TMEM132D: variants seen among roughly 807,000 people sequenced by gnomAD.
The protein encoded by TMEM132D is mature OL transmembrane protein.
A neutral mutation model predicts 62.3 loss-of-function variants in TMEM132D; 21 were observed. The ratio of observed to expected loss-of-function variants is 0.34; its 90% CI spans 0.24 to 0.49. The LOEUF (loss-of-function observed/expected upper bound fraction) is 0.49. Ranked by LOEUF, TMEM132D falls within the 20% of genes least tolerant of loss-of-function variation. TMEM132D has a pLI of 0.99. For synonymous variants in TMEM132D, 621 were observed against 575.6 expected, an observed-to-expected ratio of 1.08 and a Z score of -1.13; for missense variants, 1,346 against 1,402.8, an observed-to-expected ratio of 0.96 and a Z score of 0.65.
At chr12:129,878,094 G>A (rs191275022) in intron 1 of TMEM132D, among the ~76,000 whole-genome samples, 21 of 152,140 alleles carry the variant, frequency 1.4e-4, no homozygotes, top group East Asian at 5.8e-4. Flanking sequence ...TTTTGAAAAC[G>A]GATTTATTTA....
chr12:129,078,024 TTC>T (rs1384395901), intron 8 of TMEM132D, among the ~76,000 whole-genome samples: 23 of 152,210 alleles, frequency 1.5e-4, no homozygotes, highest in Admixed American at 1.0e-3. Context: ...TCTCCATGAA[TTC>T]TCTGTTTCTG....
intron 2 of TMEM132D, among the ~76,000 whole-genome samples, chr12:129,610,906 A>G (rs1353650829): frequency 6.6e-6 from 1 of 152,212 alleles, no homozygotes; most frequent in Admixed American, 6.5e-5. Flanking sequence ...AAACATTCTG[A>G]TAACAGACAG....
intron 2 of TMEM132D, among the ~76,000 whole-genome samples, chr12:129,549,676 T>C (rs1046148587): frequency 6.6e-6 from 1 of 152,192 alleles, no homozygotes; most frequent in East Asian, 1.9e-4. Context: ...AATGGACAAA[T>C]ACACTTCCCT....
intron 3 of TMEM132D, among the ~76,000 whole-genome samples, chr12:129,339,499 G>C (rs1198865968): frequency 6.9e-6 from 1 of 144,334 alleles, no homozygotes; most frequent in African/African-American, 2.5e-5. Context: ...CTTGGCTTTT[G>C]AAAGAAAGTG....
chr12:129,245,932 A>C (rs1880091452), intron 4 of TMEM132D, among the ~76,000 whole-genome samples: 1 of 152,158 alleles, frequency 6.6e-6, no homozygotes, highest in South Asian at 2.1e-4. Context: ...AAAACTAGAA[A>C]ATCTGCCACT....
At chr12:129,474,828 T>C (rs1041248295) in intron 3 of TMEM132D, among the ~76,000 whole-genome samples, 3 of 152,156 alleles carry the variant, frequency 2.0e-5, no homozygotes, top group Non-Finnish European at 4.4e-5. Context: ...AGCGATGACA[T>C]TGACCTCCAG....
intron 5 of TMEM132D, among the ~76,000 whole-genome samples, chr12:129,189,589 C>T (rs145049667): frequency 4.6e-5 from 7 of 152,186 alleles, no homozygotes; most frequent in South Asian, 2.1e-4. Context: ...GAGGTCCATC[C>T]GGAGGAAGGC....
intron 5 of TMEM132D, among the ~76,000 whole-genome samples, chr12:129,135,886 T>C (rs927297704): frequency 6.6e-6 from 1 of 152,236 alleles, no homozygotes; most frequent in African/African-American, 2.4e-5. Flanking sequence ...CTACACAGCA[T>C]TCTCTTTTAT....
intron 3 of TMEM132D, among the ~76,000 whole-genome samples, chr12:129,508,935 G>T (rs1272361626): frequency 6.6e-6 from 1 of 151,536 alleles, no homozygotes; most frequent in Non-Finnish European, 1.5e-5. Flanking sequence ...AGAAGCCAGA[G>T]ATCTACATTT....
intron 2 of TMEM132D, among the ~76,000 whole-genome samples, chr12:129,672,483 C>G (rs770073784): frequency 6.6e-6 from 1 of 152,100 alleles, no homozygotes; most frequent in Non-Finnish European, 1.5e-5. Context: ...TGTGGTACAA[C>G]AGTTAGTGTT....
chr12:129,345,896 T>C (rs1869668594), intron 3 of TMEM132D, among the ~76,000 whole-genome samples: 1 of 152,176 alleles, frequency 6.6e-6, no homozygotes, highest in Non-Finnish European at 1.5e-5. Context: ...GCCTGAAATT[T>C]TCTTTTTTTT....
intron 4 of TMEM132D, among the ~76,000 whole-genome samples, chr12:129,313,782 C>T (rs1423414114): frequency 6.6e-6 from 1 of 152,108 alleles, no homozygotes; most frequent in Non-Finnish European, 1.5e-5. Context: ...TAAGGAATCT[C>T]CACACTGTGT....
At chr12:129,818,774 C>T (rs894157650) in intron 1 of TMEM132D, among the ~76,000 whole-genome samples, 1 of 151,962 alleles carries the variant, frequency 6.6e-6, no homozygotes, top group Admixed American at 6.6e-5. Context: ...GTAGCTCACA[C>T]CTGTAATCCC....
At position 129,075,011 on chromosome 12, in the gene TMEM132D, G is replaced by A. The variant is rs767985465; in HGVS notation, c.2164C>T (p.Pro722Ser). 7 of 1,613,158 alleles carry A rather than the reference G, an allele frequency of 4.3e-6. No individual in the cohort carries two copies. The highest frequency in any genetic ancestry group is 5.9e-6 in the Non-Finnish European group (7 of 1,179,994). The change falls in exon 9 of 9, where the codon CCC becomes TCC. Residue 722 changes from proline (P) to serine (S), a missense_variant. Coordinates refer to ENST00000422113, the MANE Select transcript of TMEM132D (RefSeq NM_133448.3). Reference protein sequence around the residue: ...WVQFSDGSVTPLDIYDGKDFS... With the variant: ...WVQFSDGSVTSLDIYDGKDFS... ...TCTTTCCCATCGTAAATATCCAAGG[G>A]CGTGACTGAGCCATCACTGAACTGG...
chr12:129,578,456 CTAA>C (rs939816047), intron 2 of TMEM132D, among the ~76,000 whole-genome samples: 4 of 136,790 alleles, frequency 2.9e-5, no homozygotes, highest in South Asian at 2.4e-4. Context: ...ATATATATGA[CTAA>C]TAATATTATA....
intron 1 of TMEM132D, among the ~76,000 whole-genome samples, chr12:129,809,857 C>T (rs535389898): frequency 6.6e-6 from 1 of 152,200 alleles, no homozygotes; most frequent in South Asian, 2.1e-4. Flanking sequence ...ATAAAAAACC[C>T]TGTGTTAATA....
At chr12:129,588,999 T>C (rs1878116845) in intron 2 of TMEM132D, among the ~76,000 whole-genome samples, 1 of 152,092 alleles carries the variant, frequency 6.6e-6, no homozygotes, top group Non-Finnish European at 1.5e-5. Flanking sequence ...TTGCAGTGGT[T>C]CGAATGGCTT....
chr12:129,861,757 G>GAAAA (rs11405892), intron 1 of TMEM132D, among the ~76,000 whole-genome samples: 2 of 132,762 alleles, frequency 1.5e-5, no homozygotes. Context: ...CTGTCTCAAA[G>GAAAA]AAAAAAAAAA....
chr12:129,895,911 C>A (rs1875097462), intron 1 of TMEM132D, among the ~76,000 whole-genome samples: 1 of 149,704 alleles, frequency 6.7e-6, no homozygotes, highest in Admixed American at 6.6e-5. Flanking sequence ...TTCTCTATTG[C>A]TGGATACCAG....
Sources: gnomAD v4.1 joint callset for allele counts (sites outside exome capture counted in the v4.1 genomes callset) on GRCh38, gnomAD v4.1.1 for gene constraint, MANE v1.5 for transcripts, NCBI Gene and HGNC (gene_info 2026-07-23, HGNC 2026-07-21) for gene names.